IARS2: variants seen among roughly 807,000 people sequenced by gnomAD.
IARS2 encodes the protein isoleucyl-tRNA synthetase 2, mitochondrial, also known as isoleucine--tRNA ligase, mitochondrial.
In IARS2, 56 loss-of-function variants were observed where a neutral mutation model predicts 126.3. The observed-to-expected ratio is 0.44, with a 90% CI of 0.36 to 0.55. The LOEUF (loss-of-function observed/expected upper bound fraction) is 0.55, where lower values mean the gene tolerates loss of function less well. Among genes scored for constraint, IARS2 ranks in the 20% least tolerant of loss-of-function variants. The pLI, the probability that IARS2 is intolerant of heterozygous loss-of-function variation, is 0.00. For synonymous variants in IARS2, 407 were observed against 441.1 expected, an observed-to-expected ratio of 0.92 and a Z score of 0.97; for missense variants, 1,127 against 1,245.9, an observed-to-expected ratio of 0.90 and a Z score of 1.44.
chr1:220,140,621 G>A (rs1210933337), intron 19 of IARS2, among the ~76,000 whole-genome samples: 1 of 151,764 alleles, frequency 6.6e-6, no homozygotes, highest in African/African-American at 2.4e-5. Context: ...TTTTTTGAGT[G>A]TCTACTTGTG....
chr1:220,102,901 T>A, intron 7 of IARS2, 124 bp downstream of exon 7: 1 of 654,134 alleles, frequency 1.5e-6, no homozygotes, highest in South Asian at 2.0e-5. Context: ...ACTTAGTTAT[T>A]ATGTTCATAT....
In IARS2 at chr1:220,114,344, G is replaced by T; in HGVS notation, c.1510G>T (p.Gly504Ter). ...ELLKKVKFIP[G>*]SALNGMVEMM... ...GTTAAAAAAGGTGAAATTTATTCCT[G>T]GATCAGCACTGAATGGCATGGTTGA... Residue 504 changes from glycine to a stop codon, truncating the protein, a stop_gained, in exon 12 of 23, where the codon GGA (glycine) becomes TGA (stop). Coordinates refer to ENST00000366922, the MANE Select transcript of IARS2 (RefSeq NM_018060.4). LOFTEE classifies it high-confidence loss of function. 1 of 1,613,934 alleles carries T rather than the reference G, an allele frequency of 6.2e-7. No individual in the cohort carries two copies. The highest frequency in any genetic ancestry group is 8.5e-7 in the Non-Finnish European group (1 of 1,179,892).
intron 10 of IARS2, among the ~76,000 whole-genome samples, chr1:220,109,572 A>G (rs1169366668): frequency 2.0e-5 from 3 of 152,218 alleles, no homozygotes; most frequent in South Asian, 4.1e-4. Flanking sequence ...ATTAAGCACA[A>G]TGAGATGGCA....
intron 12 of IARS2, among the ~76,000 whole-genome samples, chr1:220,119,411 A>G (rs1156767739): frequency 2.6e-5 from 4 of 152,134 alleles, no homozygotes; most frequent in Non-Finnish European, 5.9e-5. Flanking sequence ...TCTTTGGGTT[A>G]TAGGTTAACT....
At chr1:220,138,981 CT>C in intron 17 of IARS2, 26 bp from the exon 18 acceptor site, 2 of 1,590,054 alleles carry the variant, frequency 1.3e-6, no homozygotes, top group Non-Finnish European at 1.7e-6. Flanking sequence ...ATTTTTTTAA[CT>C]GCATATTTTT....
intron 12 of IARS2, chr1:220,118,324 C>G (rs540600495): frequency 6.2e-5 from 18 of 288,320 alleles, no homozygotes; most frequent in South Asian, 5.9e-4. Context: ...AAGAAAGTCT[C>G]GATTTATTCA....
chr1:220,142,048 C>T, intron 20 of IARS2, 100 bp downstream of exon 20: 1 of 1,107,978 alleles, frequency 9.0e-7, no homozygotes, highest in South Asian at 1.5e-5. Context: ...TATCCATTTA[C>T]AGTGACTGCT....
chr1:220,129,464 G>A (rs1426475075), intron 14 of IARS2, among the ~76,000 whole-genome samples: 1 of 152,082 alleles, frequency 6.6e-6, no homozygotes, highest in Non-Finnish European at 1.5e-5. Context: ...TCCCGTATAT[G>A]TAACTCCTTT....
chr1:220,113,065 A>G (rs1656843049), intron 11 of IARS2, among the ~76,000 whole-genome samples: 1 of 152,152 alleles, frequency 6.6e-6, no homozygotes, highest in African/African-American at 2.4e-5. Flanking sequence ...GAGTTTCTCC[A>G]TGTTGGCCAG....
chr1:220,099,318 C>G (rs974096825), intron 2 of IARS2, among the ~76,000 whole-genome samples: 2 of 148,998 alleles, frequency 1.3e-5, no homozygotes, highest in Non-Finnish European at 3.0e-5. Flanking sequence ...TGAAAAGAAA[C>G]AAGTGAAATT....
In IARS2 at chr1:220,114,846, G is replaced by T. The variant is rs1465815; in HGVS notation, c.1640+372G>T. Among the ~76,000 whole-genome samples the T allele has an allele frequency of 5.4e-3, 825 of 152,190 alleles. 9 individuals are homozygous for T. The highest frequency in any genetic ancestry group is 0.019 in the African/African-American group (784 of 41,542). On this transcript the variant is annotated intron_variant, in intron 12 of 22. Transcript: ENST00000366922. ...TCTGAGTCTGCTTTCCTTTTCAGTG[G>T]AAATGGGATTATGTAATTGTGTAGA... is the stretch of plus-strand genomic sequence containing the variant.
intron 12 of IARS2, among the ~76,000 whole-genome samples, chr1:220,124,910 C>G (rs1023404022): frequency 5.9e-5 from 9 of 152,192 alleles, no homozygotes; most frequent in African/African-American, 2.2e-4. Context: ...TGTAATCTTT[C>G]AAAGGTAGAA....
intron 16 of IARS2, among the ~76,000 whole-genome samples, chr1:220,137,167 C>G (rs1035343137): frequency 9.0e-6 from 1 of 110,956 alleles, no homozygotes; most frequent in Non-Finnish European, 2.0e-5. Flanking sequence ...TGTGTAGATC[C>G]TTTTGTGATT....
intron 15 of IARS2, 100 bp from the exon 16 acceptor site, chr1:220,136,709 T>G (rs1185882537): frequency 1.9e-6 from 1 of 526,502 alleles, no homozygotes; most frequent in African/African-American, 2.0e-5. Flanking sequence ...AAAATCATAT[T>G]TTTGTGTCAA....
At chr1:220,134,634 G>A (rs977030712) in intron 15 of IARS2, 124 bp downstream of exon 15, 18 of 489,820 alleles carry the variant, frequency 3.7e-5, no homozygotes, top group African/African-American at 3.2e-4. Flanking sequence ...AGAATTTGAA[G>A]TAAAAAAAGA....
At chr1:220,110,585 C>A (rs1025943003) in intron 10 of IARS2, among the ~76,000 whole-genome samples, 1 of 152,150 alleles carries the variant, frequency 6.6e-6, no homozygotes, top group East Asian at 1.9e-4. Flanking sequence ...AGGCTGGTCT[C>A]GAACTCCTGA....
intron 8 of IARS2, among the ~76,000 whole-genome samples, chr1:220,105,564 A>G (rs1415228718): frequency 6.6e-6 from 1 of 152,194 alleles, no homozygotes; most frequent in Non-Finnish European, 1.5e-5. Context: ...CCGGAAAAAA[A>G]TGAATTATTT....
chr1:220,143,429 A>C, intron 21 of IARS2: 1 of 217,684 alleles, frequency 4.6e-6, no homozygotes, highest in Non-Finnish European at 9.2e-6. Context: ...TTTGTTTCCT[A>C]TTTCACCATA....
At chr1:220,117,872 C>T (rs1656959885) in intron 12 of IARS2, 1 of 527,910 alleles carries the variant, frequency 1.9e-6, no homozygotes, top group African/African-American at 1.9e-5. Context: ...CACAGTCATA[C>T]AGAATATTGG....
Sources: allele counts gnomAD v4.1 joint callset (sites outside exome capture counted in the v4.1 genomes callset), GRCh38; gene constraint gnomAD v4.1.1; transcripts MANE v1.5; gene names NCBI Gene and HGNC (gene_info 2026-07-23, HGNC 2026-07-21).